ADAMTSL1: variants seen among roughly 807,000 people sequenced by gnomAD.
The protein encoded by ADAMTSL1 is ADAMTS-like protein 1.
In ADAMTSL1, 126 loss-of-function variants were observed where a neutral mutation model predicts 201.8. That is an observed-to-expected ratio of 0.62 (90% confidence interval 0.54 to 0.72). The LOEUF is 0.72. Ranked by LOEUF, ADAMTSL1 falls within the 30% of genes least tolerant of loss-of-function variation. ADAMTSL1 has a pLI of 0.00. For synonymous variants in ADAMTSL1, 1,121 were observed against 903.4 expected (o/e 1.24, Z -4.32); for missense variants, 2,679 against 2,277.8 (o/e 1.18, Z -3.59).
chr9:18,580,904 C>G (rs907428443), intron 4 of ADAMTSL1, among the ~76,000 whole-genome samples: 2 of 151,928 alleles, frequency 1.3e-5, no homozygotes, highest in Non-Finnish European at 2.9e-5. Flanking sequence ...ATGGGGACCT[C>G]TTGCTAAAAT....
intron 1 of ADAMTSL1, among the ~76,000 whole-genome samples, chr9:18,089,869 G>T (rs1378995692): frequency 6.6e-6 from 1 of 152,166 alleles, no homozygotes; most frequent in African/African-American, 2.4e-5. Flanking sequence ...ATTGAGTGGT[G>T]CACTTAAAAA....
intron 3 of ADAMTSL1, among the ~76,000 whole-genome samples, chr9:18,555,976 C>T (rs115473845): frequency 0.016 from 2,465 of 151,706 alleles, 78 homozygotes; most frequent in African/African-American, 0.056. Context: ...GCACATGTAC[C>T]CTAGAACTTA....
At chr9:18,824,799 G>A (rs1824434508) in intron 21 of ADAMTSL1, among the ~76,000 whole-genome samples, 1 of 137,024 alleles carries the variant, frequency 7.3e-6, no homozygotes, top group African/African-American at 2.7e-5. Context: ...CCAAGTTCAA[G>A]TGATTCTCCT....
intron 20 of ADAMTSL1, among the ~76,000 whole-genome samples, chr9:18,803,176 C>T (rs1210673447): frequency 2.0e-5 from 3 of 152,348 alleles, no homozygotes; most frequent in South Asian, 2.1e-4. Flanking sequence ...GGCTTTATCC[C>T]TTTCCGAAGG....
intron 1 of ADAMTSL1, among the ~76,000 whole-genome samples, chr9:18,019,258 A>G (rs1185190616): frequency 6.6e-6 from 1 of 152,084 alleles, no homozygotes; most frequent in Non-Finnish European, 1.5e-5. Context: ...GAGAGAAGAG[A>G]AATAATTTGG....
At chr9:18,390,222 A>G (rs981965164) in intron 2 of ADAMTSL1, among the ~76,000 whole-genome samples, 1 of 152,154 alleles carries the variant, frequency 6.6e-6, no homozygotes, top group African/African-American at 2.4e-5. Context: ...TGTCCATAAG[A>G]TTAAAAAAAA....
upstream of ADAMTSL1, among the ~76,000 whole-genome samples, chr9:18,471,807 C>T (rs1012735530): frequency 6.6e-6 from 1 of 152,126 alleles, no homozygotes; most frequent in Non-Finnish European, 1.5e-5. Flanking sequence ...ATTGAGATGA[C>T]CATCTTGCTG....
chr9:18,798,840 A>G (rs1822597824), intron 20 of ADAMTSL1, among the ~76,000 whole-genome samples: 1 of 152,216 alleles, frequency 6.6e-6, no homozygotes, highest in Non-Finnish European at 1.5e-5. Context: ...TATTCTGTAC[A>G]CAAGTTTTCT....
At chr9:18,170,920 C>A (rs1827862497) in intron 2 of ADAMTSL1, among the ~76,000 whole-genome samples, 1 of 152,126 alleles carries the variant, frequency 6.6e-6, no homozygotes, top group East Asian at 1.9e-4. Flanking sequence ...ACATCATCAA[C>A]CTTATCAATA....
chr9:18,304,678 A>G (rs898860015), intron 2 of ADAMTSL1, among the ~76,000 whole-genome samples: 9 of 151,564 alleles, frequency 5.9e-5, no homozygotes, highest in Non-Finnish European at 8.8e-5. Flanking sequence ...ATGCTTTAGT[A>G]TGTTCATTAT....
intron 1 of ADAMTSL1, among the ~76,000 whole-genome samples, chr9:18,148,797 C>T (rs571894383): frequency 6.6e-6 from 1 of 151,966 alleles, no homozygotes; most frequent in African/African-American, 2.4e-5. Flanking sequence ...TTTGGTGAAG[C>T]AATTTGAAAA....
At chr9:17,995,226 AG>A (rs1819322408) in intron 1 of ADAMTSL1, among the ~76,000 whole-genome samples, 1 of 152,128 alleles carries the variant, frequency 6.6e-6, no homozygotes, top group Admixed American at 6.6e-5. Context: ...TTCTTCCTGA[AG>A]GGCAGAGAAA....
intron 1 of ADAMTSL1, among the ~76,000 whole-genome samples, chr9:18,013,552 A>C (rs1820138969): frequency 6.6e-6 from 1 of 152,068 alleles, no homozygotes; most frequent in African/African-American, 2.4e-5. Context: ...CAAAGCAACC[A>C]AAAAACACGG....
At chr9:18,067,796 T>C (rs930307657) in intron 1 of ADAMTSL1, among the ~76,000 whole-genome samples, 2 of 152,038 alleles carry the variant, frequency 1.3e-5, no homozygotes, top group African/African-American at 4.8e-5. Flanking sequence ...GAAATTTGGA[T>C]TGTTTACCCT....
chr9:18,536,395 G>T (rs1043317285), intron 3 of ADAMTSL1, among the ~76,000 whole-genome samples: 1 of 149,976 alleles, frequency 6.7e-6, no homozygotes, highest in Non-Finnish European at 1.5e-5. Flanking sequence ...TGGGGAGTTC[G>T]TATTCCCCAG....
chr9:18,748,663 T>C (rs1270308801), intron 15 of ADAMTSL1, among the ~76,000 whole-genome samples: 2 of 152,202 alleles, frequency 1.3e-5, no homozygotes, highest in Admixed American at 6.5e-5. Context: ...ATGTGACTAA[T>C]CCAGAAGTGC....
chr9:18,188,971 C>T lies in ADAMTSL1; in HGVS notation c.207+24990C>T, dbSNP rs560796354. Among the ~76,000 whole-genome samples the T allele has an allele frequency of 1.0e-3, 153 of 152,306 alleles. 1 individual carries two copies. Among genetic ancestry groups the T allele is most frequent in the African/African-American group, 3.4e-3 (140 of 41,576 alleles). On this transcript the variant is annotated intron_variant, in intron 2 of 29. Transcript: ENST00000680146. Reference sequence around the variant, plus strand: ...AAGGTTAAATAGCTTGCTTAGGTCACACTGTTAGCACCTTTGTGCTCTTTA... The same window carrying T: ...AAGGTTAAATAGCTTGCTTAGGTCATACTGTTAGCACCTTTGTGCTCTTTA...
intron 4 of ADAMTSL1, among the ~76,000 whole-genome samples, chr9:18,609,433 T>TA (rs71902207): frequency 0.12 from 17,074 of 146,208 alleles, 1,060 homozygotes; most frequent in Non-Finnish European, 0.15. Flanking sequence ...AGAGGGAAGT[T>TA]AAAAAAAAAA....
intron 21 of ADAMTSL1, among the ~76,000 whole-genome samples, chr9:18,824,690 C>CTTTTTTTTTTTTTTTTT (rs34551511): frequency 1.3e-5 from 1 of 75,706 alleles, no homozygotes; most frequent in Non-Finnish European, 2.2e-5. Context: ...GGACTTGACC[C>CTTTTTTTTTTTTTTTTT]TTTTTTTTTT....
Sources: allele counts gnomAD v4.1 joint callset (sites outside exome capture counted in the v4.1 genomes callset), GRCh38; gene constraint gnomAD v4.1.1; transcripts MANE v1.5; gene names NCBI Gene and HGNC (gene_info 2026-07-23, HGNC 2026-07-21).